Variants in RAI14 observed in about 807,000 individuals in gnomAD.
RAI14 encodes ankycorbin.
RAI14 carries 45 observed loss-of-function variants against 115.4 expected under a neutral mutation model. The observed-to-expected ratio is 0.39, with a 90% CI of 0.31 to 0.50. RAI14 has a LOEUF of 0.50. RAI14 is among the 20% of genes least tolerant of loss of function. The pLI is 0.85. For synonymous variants in RAI14, 371 were observed against 415.4 expected (o/e 0.89, Z 1.30); for missense variants, 939 against 1,131.2 (o/e 0.83, Z 2.44).
intron 3 of RAI14, among the ~76,000 whole-genome samples, chr5:34,772,719 T>C (rs1027920706): frequency 6.6e-6 from 1 of 152,132 alleles, no homozygotes; most frequent in Non-Finnish European, 1.5e-5. Flanking sequence ...CTATTGTGCC[T>C]CCGTTGGTCC....
At chr5:34,820,593 C>G (rs1756724014) in intron 13 of RAI14, among the ~76,000 whole-genome samples, 2 of 152,172 alleles carry the variant, frequency 1.3e-5, no homozygotes, top group Admixed American at 6.5e-5. Flanking sequence ...GCTTGGGTGA[C>G]AGAGCAAGAC....
intron 1 of RAI14, among the ~76,000 whole-genome samples, chr5:34,669,145 A>G (rs770756156): frequency 2.9e-4 from 44 of 152,236 alleles, no homozygotes; most frequent in Middle Eastern, 3.4e-3. Flanking sequence ...GTGAGCCACC[A>G]CACCCAGCCA....
intron 2 of RAI14, among the ~76,000 whole-genome samples, chr5:34,719,600 C>T (rs1416989112): frequency 1.3e-5 from 2 of 152,132 alleles, no homozygotes; most frequent in African/African-American, 4.8e-5. Context: ...CCTGAGTTAC[C>T]GTGGTTGCAC....
intron 2 of RAI14, among the ~76,000 whole-genome samples, chr5:34,754,870 A>C (rs376905315): frequency 3.3e-5 from 5 of 152,226 alleles, no homozygotes; most frequent in African/African-American, 1.2e-4. Flanking sequence ...TCTCTACCTA[A>C]GAGTAGAGTG....
At position 34,827,798 on chromosome 5, in the gene RAI14, A is replaced by G. The variant is rs985423620; in HGVS notation, c.2799+1319A>G. ...TTGAGCTCTTACATCAGTATTATAC[A>G]TGGGGCTGATGATATAAAATGAGTA... On this transcript the variant is annotated intron_variant, in intron 16 of 17. Transcript: ENST00000265109. This position sits in a 1 kb window ranked among gnomAD's most constrained non-coding sequence, Gnocchi z 4.2. 3.3e-5 allele frequency among the ~76,000 whole-genome samples: 5 copies of G among 152,230 alleles called. No individual in the cohort carries two copies. Among genetic ancestry groups the G allele is most frequent in the African/African-American group, 9.6e-5 (4 of 41,456 alleles).
chr5:34,699,009 C>A (rs993508068), intron 2 of RAI14, among the ~76,000 whole-genome samples: 4 of 152,166 alleles, frequency 2.6e-5, no homozygotes, highest in Non-Finnish European at 5.9e-5. Flanking sequence ...CCTGCCGTGC[C>A]AGCCAAGTGT....
intron 1 of RAI14, among the ~76,000 whole-genome samples, chr5:34,664,558 T>C (rs2149843344): frequency 6.6e-6 from 1 of 152,224 alleles, no homozygotes; most frequent in South Asian, 2.1e-4. Context: ...TTAGGTATTG[T>C]TATCGATAAG....
chr5:34,778,800 C>T (rs1265016072), intron 3 of RAI14, among the ~76,000 whole-genome samples: 1 of 150,508 alleles, frequency 6.6e-6, no homozygotes, highest in Non-Finnish European at 1.5e-5. Flanking sequence ...AATATATTGG[C>T]ATATAGACTT....
At chr5:34,688,117 A>T in intron 2 of RAI14, 1 of 1,509,644 alleles carries the variant, frequency 6.6e-7, no homozygotes, top group East Asian at 2.5e-5. Context: ...ACAAAGACAG[A>T]AAACTAGCTG....
intron 3 of RAI14, among the ~76,000 whole-genome samples, chr5:34,783,685 C>G (rs1189540579): frequency 6.6e-6 from 1 of 152,102 alleles, no homozygotes. Flanking sequence ...TGTTTTCCCC[C>G]CTTAGCTCTT....
At chr5:34,766,999 C>T (rs2150120499) in intron 3 of RAI14, among the ~76,000 whole-genome samples, 1 of 152,226 alleles carries the variant, frequency 6.6e-6, no homozygotes, top group South Asian at 2.1e-4. Context: ...CTCTTGCCAC[C>T]ACCAAGTAAG....
At chr5:34,788,798 C>T (rs1580264867) in intron 3 of RAI14, among the ~76,000 whole-genome samples, 1 of 151,922 alleles carries the variant, frequency 6.6e-6, no homozygotes, top group Non-Finnish European at 1.5e-5. Flanking sequence ...GGTGAAACCC[C>T]GTCTCTGCAA....
intron 1 of RAI14, among the ~76,000 whole-genome samples, chr5:34,670,422 T>G (rs1743533689): frequency 6.6e-6 from 1 of 152,220 alleles, no homozygotes; most frequent in African/African-American, 2.4e-5. Context: ...AATTCTGAAG[T>G]GCTTGTGGGC....
rs1757205018 is a variant in RAI14 at position 34,824,162 on chromosome 5, G to A, written c.2320G>A (p.Glu774Lys). 3.1e-6 allele frequency: 5 copies of A among 1,614,056 alleles called. No homozygotes were observed. The highest frequency in any genetic ancestry group is 4.2e-6 in the Non-Finnish European group (5 of 1,179,964). ...AGCAAAGCTGGAGAAACAACTCTTA[G>A]AAGAGAAAGCTGCTATGACTGATGC... ...EVAKLEKQLL[E>K]EKAAMTDAMV... is the part of the protein sequence containing the mutation. Residue 774 changes from glutamate to lysine, a missense_variant, in exon 15 of 18, where the codon GAA (glutamate) becomes AAA (lysine). Glu to Lys is a moderately conservative substitution (Grantham distance 56). Coordinates refer to ENST00000265109, the MANE Select transcript of RAI14 (RefSeq NM_015577.3).
intron 2 of RAI14, among the ~76,000 whole-genome samples, chr5:34,737,466 G>A (rs72730557): frequency 0.038 from 5,808 of 152,114 alleles, 150 homozygotes; most frequent in Middle Eastern, 0.068. Flanking sequence ...TTAGGAGAAA[G>A]TTCTTTAGAT....
At chr5:34,665,854 T>C (rs1743160831) in intron 1 of RAI14, among the ~76,000 whole-genome samples, 1 of 152,200 alleles carries the variant, frequency 6.6e-6, no homozygotes, top group Admixed American at 6.5e-5. Context: ...TTCGAAAACC[T>C]ATCATACATG....
At position 34,829,807 on chromosome 5, in the gene RAI14, T is replaced by TGC. The variant is rs779592961; in HGVS notation, c.2865+11_2865+12dup. 1 of 1,601,826 alleles carries TGC rather than the reference T, an allele frequency of 6.2e-7. No individual in the cohort carries two copies. Among genetic ancestry groups the TGC allele is most frequent in the Non-Finnish European group, 8.5e-7 (1 of 1,171,932 alleles). On this transcript the variant is annotated intron_variant, in intron 17 of 17. Transcript: ENST00000265109. The stretch of plus-strand genomic sequence containing the variant: ...TCTGTATGCTGTGCAGGTATGGTTA[T>TGC]GCCCCTTGAAGTATCTGGACATCCT...
intron 7 of RAI14, 101 bp downstream of exon 7, chr5:34,808,755 A>G: frequency 8.8e-7 from 1 of 1,140,888 alleles, no homozygotes; most frequent in Non-Finnish European, 1.3e-6. Flanking sequence ...GCAGTCTCCA[A>G]CCTTTTTGGC....
At chr5:34,808,749 T>G in intron 7 of RAI14, 95 bp downstream of exon 7, 1 of 1,196,006 alleles carries the variant, frequency 8.4e-7, no homozygotes, top group Non-Finnish European at 1.2e-6. Context: ...AGACTAGCAG[T>G]CTCCAACCTT....
Sources: gnomAD v4.1 joint callset for allele counts (sites outside exome capture counted in the v4.1 genomes callset) on GRCh38, gnomAD v4.1.1 for gene constraint, Gnocchi (gnomAD v3.1) non-coding constraint, MANE v1.5 for transcripts, NCBI Gene and HGNC (gene_info 2026-07-23, HGNC 2026-07-21) for gene names.